The following NFASC variants were observed in gnomAD, a reference collection of about 807,000 sequenced individuals.
NFASC encodes the protein neurofascin.
A neutral mutation model predicts 147.5 loss-of-function variants in NFASC; 43 were observed. The observed-to-expected ratio is 0.29, with a 90% CI of 0.23 to 0.38. The LOEUF (loss-of-function observed/expected upper bound fraction) is 0.38, where lower values mean the gene tolerates loss of function less well. Among genes scored for constraint, NFASC ranks in the 10% least tolerant of loss-of-function variants. NFASC has a pLI of 1.00. For synonymous variants in NFASC, 622 were observed against 665.5 expected, an observed-to-expected ratio of 0.93 and a Z score of 1.01; for missense variants, 1,320 against 1,689.0, an observed-to-expected ratio of 0.78 and a Z score of 3.83.
chr1:204,849,213 A>G (rs2075444997), intron 1 of NFASC, among the ~76,000 whole-genome samples: 1 of 152,180 alleles, frequency 6.6e-6, no homozygotes, highest in South Asian at 2.1e-4. Flanking sequence ...TCTCTACCGA[A>G]ACTAGCTTCT....
intron 1 of NFASC, among the ~76,000 whole-genome samples, chr1:204,836,191 G>C (rs973226596): frequency 1.3e-5 from 2 of 152,058 alleles, no homozygotes; most frequent in African/African-American, 4.8e-5. Flanking sequence ...TGGTGCCTAT[G>C]TTAGTAGAAT....
chr1:205,009,060 G>A (rs2096197802), intron 27 of NFASC: 4 of 214,732 alleles, frequency 1.9e-5, no homozygotes, highest in South Asian at 7.3e-5. Context: ...GGATGCTGCC[G>A]TGTGCCTGTG....
chr1:204,839,224 A>T (rs1274091934), intron 1 of NFASC, among the ~76,000 whole-genome samples: 1 of 152,170 alleles, frequency 6.6e-6, no homozygotes, highest in Non-Finnish European at 1.5e-5. Context: ...ACCCCTAGAA[A>T]ATGTGTGCAC....
In NFASC at chr1:204,979,313, C is replaced by CA. The variant is rs771075857; in HGVS notation, c.1979-48dup. The CA allele has an allele frequency of 7.0e-7, 1 of 1,430,970 alleles. No homozygotes were observed. The highest frequency in any genetic ancestry group is 1.1e-5 in the South Asian group (1 of 87,388). The allele number at this position is 1,430,970 out of a possible 1,614,324, so 88.6% of individuals were successfully genotyped here. ...AGAAGGAAGTGCTTTTAAAGAAGAC[C>CA]ACTGCTAACTGAGCTCCCGAAACAG... On this transcript the variant is annotated intron_variant, in intron 18 of 29. Coordinates refer to ENST00000339876, the MANE Select transcript of NFASC (RefSeq NM_001005388.3). The surrounding 1 kb of genome is among the most constrained non-coding windows in gnomAD (Gnocchi z 6.0).
At chr1:204,941,780 C>T (rs1259530328) in intron 2 of NFASC, among the ~76,000 whole-genome samples, 1 of 152,132 alleles carries the variant, frequency 6.6e-6, no homozygotes, top group Non-Finnish European at 1.5e-5. Flanking sequence ...AGATTTTCTA[C>T]TCTCTTAACC....
At chr1:204,961,229 C>T (rs1205180274) in intron 8 of NFASC, among the ~76,000 whole-genome samples, 1 of 152,176 alleles carries the variant, frequency 6.6e-6, no homozygotes, top group Non-Finnish European at 1.5e-5. Flanking sequence ...TAAATGCCCA[C>T]GAGTTTGAAT....
intron 3 of NFASC, among the ~76,000 whole-genome samples, chr1:204,948,399 A>G (rs1189944108): frequency 3.9e-5 from 6 of 152,208 alleles, no homozygotes; most frequent in Non-Finnish European, 7.4e-5. Flanking sequence ...TAGATTCTCC[A>G]GAGGTCCTTG....
At chr1:204,883,443 C>T (rs2148913016) in intron 1 of NFASC, among the ~76,000 whole-genome samples, 1 of 152,314 alleles carries the variant, frequency 6.6e-6, no homozygotes, top group Non-Finnish European at 1.5e-5. Context: ...AGCATGAAGG[C>T]CCCACCAGGG....
At chr1:204,870,557 T>G in intron 1 of NFASC, 7 of 509,604 alleles carry the variant, frequency 1.4e-5, no homozygotes, top group Non-Finnish European at 1.8e-5. Flanking sequence ...ACCCCCGCCT[T>G]GGGGAGCCTG....
Position 204,883,711 on chromosome 1 carries a change from T to A in NFASC, c.-199-36921T>A, listed in dbSNP as rs566863674. ...GGCCAGCATAAGGTCCTATCACTGC[T>A]TAGTTCTGCACTGTCTGCAGTCTGG... On this transcript the variant is annotated intron_variant, in intron 1 of 29. Coordinates refer to ENST00000339876, the MANE Select transcript of NFASC (RefSeq NM_001005388.3). 7.4e-4 allele frequency among the ~76,000 whole-genome samples: 112 copies of A among 152,346 alleles called. 1 individual carries two copies. Among genetic ancestry groups the A allele is most frequent in the Non-Finnish European group, 2.5e-4 (17 of 68,026 alleles).
rs746828397 is a variant in NFASC at position 205,002,643 on chromosome 1, A to G, written c.3184A>G (p.Ile1062Val). The change falls in exon 27 of 30, where the codon ATA becomes GTA. Residue 1062 changes from isoleucine to valine, a missense_variant. Ile to Val is a conservative substitution (Grantham distance 29). Transcript: ENST00000339876. ...CCCAGTTAAGGCCCAGGCTCAGCCT[A>G]TACAGCTGACAGACCTCTATCCCGG... Reference protein sequence around the residue: ...TVPVKAQAQPIQLTDLYPGMT... With the variant: ...TVPVKAQAQPVQLTDLYPGMT... 8.9e-6 allele frequency: 14 copies of G among 1,578,490 alleles called. No homozygotes were observed. In the East Asian group the frequency reaches 2.0e-4, roughly 23 times the overall value.
chr1:204,943,498 C>T (rs535528576), intron 2 of NFASC, among the ~76,000 whole-genome samples: 2 of 152,276 alleles, frequency 1.3e-5, no homozygotes, highest in Middle Eastern at 3.4e-3. Context: ...TCACCACTGC[C>T]GTTATCTATA....
In NFASC at chr1:204,968,931, G is replaced by A; in HGVS notation, c.952G>A (p.Ala318Thr). 2 of 1,613,968 alleles carry A rather than the reference G, an allele frequency of 1.2e-6. No homozygotes were observed. The highest frequency in any genetic ancestry group is 1.7e-6 in the Non-Finnish European group (2 of 1,179,992). ...EEDSGEYFCL[A>T]SNKMGSIRHT... is the part of the protein sequence containing the mutation. ...AGACTCCGGGGAGTATTTCTGCCTG[G>A]CCTCCAACAAGATGGGCAGCATCCG... Residue 318 changes from alanine (A) to threonine (T), a missense_variant, in exon 10 of 30, where the codon GCC (alanine) becomes ACC (threonine). Ala to Thr is a moderately conservative substitution (Grantham distance 58, BLOSUM62 0). Transcript: ENST00000339876. This position sits in a 1 kb window ranked among gnomAD's most constrained non-coding sequence, Gnocchi z 5.4.
chr1:204,877,039 A>T (rs1190466412), intron 1 of NFASC, among the ~76,000 whole-genome samples: 6 of 100,556 alleles, frequency 6.0e-5, no homozygotes, highest in Non-Finnish European at 1.0e-4. Context: ...ATATATATTT[A>T]TATATATATA....
chr1:204,904,824 G>T (rs921979077), intron 1 of NFASC, among the ~76,000 whole-genome samples: 1 of 152,038 alleles, frequency 6.6e-6, no homozygotes, highest in African/African-American at 2.4e-5. Context: ...GTCCATGCAG[G>T]TCCCACTCTT....
chr1:204,886,586 A>G (rs995083923), intron 1 of NFASC, among the ~76,000 whole-genome samples: 1 of 152,162 alleles, frequency 6.6e-6, no homozygotes, highest in Non-Finnish European at 1.5e-5. Context: ...GGGGCCCAAT[A>G]ATTTGCATTT....
At chr1:204,981,651 G>A (rs890083725) in intron 20 of NFASC, 147 bp from the exon 21 acceptor site, 5 of 485,754 alleles carry the variant, frequency 1.0e-5, no homozygotes, top group Non-Finnish European at 1.8e-5. Context: ...CTGGGGTGGG[G>A]GATATGGTCT....
intron 29 of NFASC, 60 bp downstream of exon 29, chr1:205,012,926 C>T (rs114328632): frequency 0.025 from 30,448 of 1,225,822 alleles, 654 homozygotes; most frequent in Middle Eastern, 0.11. Context: ...TGAGGCACCA[C>T]CCTCCCCTCA....
chr1:204,952,451 A>T (rs1423533282), intron 5 of NFASC, among the ~76,000 whole-genome samples: 1 of 147,420 alleles, frequency 6.8e-6, no homozygotes, highest in African/African-American at 2.6e-5. Context: ...AGCCAACTTG[A>T]GTCTTTCATT....
Sources: gnomAD v4.1 joint callset for allele counts (sites outside exome capture counted in the v4.1 genomes callset) on GRCh38, gnomAD v4.1.1 for gene constraint, Gnocchi (gnomAD v3.1) non-coding constraint, MANE v1.5 for transcripts, NCBI Gene and HGNC (gene_info 2026-07-23, HGNC 2026-07-21) for gene names.